The following CDK14 variants were observed in gnomAD, a reference collection of about 807,000 sequenced individuals.
The protein encoded by CDK14 is cyclin-dependent kinase 14.
CDK14 carries 34 observed loss-of-function variants against 60.7 expected under a neutral mutation model. The observed-to-expected ratio is 0.56, with a 90% confidence interval of 0.43 to 0.75. The LOEUF is 0.75. Ranked by LOEUF, CDK14 falls within the 30% of genes least tolerant of loss-of-function variation. The pLI, the probability that CDK14 is intolerant of heterozygous loss-of-function variation, is 0.00. For missense variants in CDK14, 482 were observed against 564.1 expected, an observed-to-expected ratio of 0.85 and a Z score of 1.47; for synonymous variants, 197 against 203.7, an observed-to-expected ratio of 0.97 and a Z score of 0.28.
rs184880403 is a variant in CDK14 at position 90,708,686 on chromosome 7, A to G, written c.124-17881A>G. ...AACACTTTGCCTGAGGTTTCTCATC[A>G]TCATTGTATACCCTAGTTTGGGGAG... On this transcript the variant is annotated intron_variant, in intron 2 of 14. Transcript: ENST00000380050. Among the ~76,000 whole-genome samples, 1,099 of 152,292 alleles carry G rather than the reference A, an allele frequency of 7.2e-3. 15 individuals are homozygous for G. Among genetic ancestry groups the G allele is most frequent in the Non-Finnish European group, 8.3e-3 (562 of 68,008 alleles).
chr7:90,940,641 C>CCAGGTG (rs1465858743), intron 8 of CDK14, among the ~76,000 whole-genome samples: 2 of 151,858 alleles, frequency 1.3e-5, no homozygotes, highest in Admixed American at 1.3e-4. Context: ...TAAAAATCAG[C>CCAGGTG]CAGGTGTGGT....
At chr7:91,126,843 T>TA (rs1799965098) in intron 14 of CDK14, among the ~76,000 whole-genome samples, 1 of 152,106 alleles carries the variant, frequency 6.6e-6, no homozygotes, top group Non-Finnish European at 1.5e-5. Flanking sequence ...TTTTTTTTAT[T>TA]TTTTTTTCCT....
intron 2 of CDK14, among the ~76,000 whole-genome samples, chr7:90,708,527 A>G (rs1046785799): frequency 5.3e-5 from 8 of 152,330 alleles, no homozygotes; most frequent in African/African-American, 1.4e-4. Context: ...AAGATTTTAC[A>G]TGAGCTTTTG....
intron 9 of CDK14, among the ~76,000 whole-genome samples, chr7:90,978,007 G>C (rs1795127360): frequency 6.6e-6 from 1 of 152,160 alleles, no homozygotes. Flanking sequence ...GGCTGGGGCT[G>C]TAAGGAGGAA....
chr7:90,900,878 T>G (rs1238224221), intron 7 of CDK14, among the ~76,000 whole-genome samples: 1 of 152,206 alleles, frequency 6.6e-6, no homozygotes, highest in African/African-American at 2.4e-5. Context: ...TATCAGCAAC[T>G]GTTGGTGGAA....
chr7:90,682,891 CAGTGGG>C (rs1801349803), intron 2 of CDK14, among the ~76,000 whole-genome samples: 1 of 152,100 alleles, frequency 6.6e-6, no homozygotes, highest in Admixed American at 6.6e-5. Context: ...TATGTGTTCC[CAGTGGG>C]AATGTTATGT....
intron 5 of CDK14, among the ~76,000 whole-genome samples, chr7:90,822,240 G>A (rs927447719): frequency 3.3e-5 from 5 of 152,114 alleles, no homozygotes; most frequent in Admixed American, 1.3e-4. Flanking sequence ...TATATGGCAC[G>A]TCCAAAATAT....
At chr7:90,862,925 A>G (rs1276714864) in intron 5 of CDK14, among the ~76,000 whole-genome samples, 1 of 152,164 alleles carries the variant, frequency 6.6e-6, no homozygotes, top group East Asian at 1.9e-4. Context: ...TACACCTGTA[A>G]TCCCAGCTTG....
intron 4 of CDK14, among the ~76,000 whole-genome samples, chr7:90,766,271 T>C (rs149411165): frequency 0.011 from 1,679 of 152,332 alleles, 17 homozygotes; most frequent in Admixed American, 0.026. Context: ...AGCTACTATT[T>C]ATTGAACACT....
chr7:90,667,035 TTTTA>T (rs969715754), intron 2 of CDK14, among the ~76,000 whole-genome samples: 6 of 152,204 alleles, frequency 3.9e-5, no homozygotes, highest in African/African-American at 1.2e-4. Flanking sequence ...ACTATTTTAT[TTTTA>T]TTTATTTATT....
At chr7:90,707,067 A>G (rs144738629) in intron 2 of CDK14, among the ~76,000 whole-genome samples, 1 of 152,234 alleles carries the variant, frequency 6.6e-6, no homozygotes, top group African/African-American at 2.4e-5. Context: ...ACCCTGACCT[A>G]GGCATATAAG....
chr7:90,993,169 C>A (rs988016015), intron 10 of CDK14, among the ~76,000 whole-genome samples: 2 of 152,040 alleles, frequency 1.3e-5, no homozygotes, highest in Admixed American at 1.3e-4. Flanking sequence ...AAAGCTGAGA[C>A]AGGCCACTGG....
chr7:91,174,040 C>A (rs1801631065), intron 14 of CDK14, among the ~76,000 whole-genome samples: 1 of 152,174 alleles, frequency 6.6e-6, no homozygotes. Context: ...GTAACCTCCG[C>A]AGACTTAAAT....
intron 10 of CDK14, among the ~76,000 whole-genome samples, chr7:91,018,166 G>A (rs545356252): frequency 6.6e-5 from 10 of 152,336 alleles, no homozygotes; most frequent in African/African-American, 1.9e-4. Context: ...AGCCTGAGGA[G>A]CAGTGTGATC....
At chr7:90,893,866 C>T (rs1249644852) in intron 6 of CDK14, among the ~76,000 whole-genome samples, 1 of 150,788 alleles carries the variant, frequency 6.6e-6, no homozygotes, top group Non-Finnish European at 1.5e-5. Flanking sequence ...ACTCAGAGCA[C>T]TCTGAAGTTA....
intron 14 of CDK14, 131 bp from the exon 15 acceptor site, chr7:91,207,034 G>A (rs1162772633): frequency 2.0e-5 from 3 of 152,146 alleles, no homozygotes; most frequent in Non-Finnish European, 4.4e-5. Flanking sequence ...TCATATTTAT[G>A]TGTTTGGAGT....
At chr7:91,154,742 G>T (rs1026297639) in intron 14 of CDK14, among the ~76,000 whole-genome samples, 2 of 152,072 alleles carry the variant, frequency 1.3e-5, no homozygotes, top group Non-Finnish European at 2.9e-5. Context: ...TCTAGCTGAC[G>T]TTATTGAGTT....
chr7:90,923,724 T>C (rs1793324705), intron 8 of CDK14, among the ~76,000 whole-genome samples: 1 of 152,262 alleles, frequency 6.6e-6, no homozygotes, highest in South Asian at 2.1e-4. Context: ...CCACTGTTGA[T>C]GGAAACTTAG....
chr7:90,657,566 G>A (rs1175640581), intron 2 of CDK14, among the ~76,000 whole-genome samples: 1 of 152,136 alleles, frequency 6.6e-6, no homozygotes, highest in East Asian at 1.9e-4. Context: ...GAATGTGGTA[G>A]GCACTAGACA....
Sources: gnomAD v4.1 joint callset for allele counts (sites outside exome capture counted in the v4.1 genomes callset) on GRCh38, gnomAD v4.1.1 for gene constraint, MANE v1.5 for transcripts, NCBI Gene and HGNC (gene_info 2026-07-23, HGNC 2026-07-21) for gene names.